Variants in AGBL1 observed in about 807,000 individuals in gnomAD.
AGBL1 encodes the protein AGBL carboxypeptidase 1.
Under a neutral mutation model 118.9 loss-of-function variants are expected in AGBL1, and 130 were observed. The observed-to-expected ratio is 1.09, with a 90% confidence interval of 0.95 to 1.26. The LOEUF is 1.26. Among genes scored for constraint, AGBL1 ranks in the 50% most tolerant of loss-of-function variants. AGBL1 has a pLI of 0.00. For missense variants in AGBL1, 1,584 were observed against 1,298.1 expected (o/e 1.22, Z -3.38); for synonymous variants, 555 against 478.9 (o/e 1.16, Z -2.08).
At chr15:86,558,945 A>G (rs1183374921) in intron 21 of AGBL1, among the ~76,000 whole-genome samples, 5 of 152,232 alleles carry the variant, frequency 3.3e-5, no homozygotes, top group African/African-American at 1.2e-4. Context: ...GATCTGGAAG[A>G]TAAAAGCCTG....
rs1156317128 is a variant in AGBL1 at position 86,227,585 on chromosome 15, T to A, written c.526+2634T>A. Among the ~76,000 whole-genome samples, 2 of 152,090 alleles carry A rather than the reference T, an allele frequency of 1.3e-5. 1 individual carries two copies. The highest frequency in any genetic ancestry group is 4.8e-5 in the African/African-American group (2 of 41,416). On this transcript the variant is annotated intron_variant, in intron 6 of 22. Coordinates refer to ENST00000614907, the MANE Select transcript of AGBL1 (RefSeq NM_001386094.1). ...TCTGCCAAATATCCCCCATGGGGGG[T>A]GGACAGTAAAATTTCCACTTGTTGA...
At chr15:86,742,228 C>A (rs541344843) in intron 22 of AGBL1, among the ~76,000 whole-genome samples, 1 of 152,234 alleles carries the variant, frequency 6.6e-6, no homozygotes, top group Admixed American at 6.6e-5. Context: ...AGAGGATTTC[C>A]TTTTTGTACT....
chr15:86,241,690 T>A (rs2078643532), intron 6 of AGBL1, among the ~76,000 whole-genome samples: 1 of 152,190 alleles, frequency 6.6e-6, no homozygotes, highest in Non-Finnish European at 1.5e-5. Flanking sequence ...AGAAGAGCCT[T>A]CCTGGCCTAA....
chr15:86,854,964 A>G (rs1365950208), intron 22 of AGBL1, among the ~76,000 whole-genome samples: 1 of 151,766 alleles, frequency 6.6e-6, no homozygotes, highest in Non-Finnish European at 1.5e-5. Context: ...GATTTGCTAC[A>G]CCCCCCCACT....
rs2081609324 is a variant in AGBL1, at chr15:87,016,517, G to A, written c.3324-12308G>A. 2.6e-5 allele frequency among the ~76,000 whole-genome samples: 4 copies of A among 152,238 alleles called. No individual in the cohort carries two copies. The South Asian group carries it at 8.3e-4, about 32-fold the overall frequency. Reference sequence around the variant, plus strand: ...TTTATTATCTCATCTATAAACTGAGGACATTATAAAAGAAAGTCTAGGACT... The same window carrying A: ...TTTATTATCTCATCTATAAACTGAGAACATTATAAAAGAAAGTCTAGGACT... On this transcript the variant is annotated intron_variant, in intron 24 of 24. Transcript: ENST00000441037.
chr15:86,304,118 G>A (rs1567188914), intron 17 of AGBL1, among the ~76,000 whole-genome samples: 1 of 151,990 alleles, frequency 6.6e-6, no homozygotes, highest in African/African-American at 2.4e-5. Context: ...TATGTTCTAG[G>A]CTCCTCCAAT....
intron 6 of AGBL1, among the ~76,000 whole-genome samples, chr15:86,244,526 G>T (rs1270820942): frequency 1.2e-5 from 1 of 83,118 alleles, no homozygotes; most frequent in South Asian, 3.6e-4. Flanking sequence ...GTAGGGTCGC[G>T]GGGGAAGGAG....
At chr15:86,542,606 G>A (rs1305444387) in intron 19 of AGBL1, among the ~76,000 whole-genome samples, 4 of 152,040 alleles carry the variant, frequency 2.6e-5, no homozygotes, top group Non-Finnish European at 4.4e-5. Flanking sequence ...GACCTCAGGT[G>A]ATCTACCTGG....
At chr15:86,446,153 T>G (rs1240582339) in intron 18 of AGBL1, among the ~76,000 whole-genome samples, 1 of 152,136 alleles carries the variant, frequency 6.6e-6, no homozygotes, top group African/African-American at 2.4e-5. Context: ...GAGGATGAGC[T>G]AAAGTGAGTC....
chr15:86,267,810 T>C (rs995022479), intron 13 of AGBL1, among the ~76,000 whole-genome samples: 1 of 152,224 alleles, frequency 6.6e-6, no homozygotes. Flanking sequence ...GCAAGATACA[T>C]GATTCATCTT....
At chr15:86,549,712 A>G (rs1022372318) in intron 20 of AGBL1, among the ~76,000 whole-genome samples, 5 of 152,068 alleles carry the variant, frequency 3.3e-5, no homozygotes, top group Non-Finnish European at 7.4e-5. Context: ...AGCAACTGTT[A>G]AAATATGTTC....
Position 86,667,962 on chromosome 15 carries a change from G to C in AGBL1, c.2995-6311G>C, listed in dbSNP as rs561017637. On this transcript the variant is annotated intron_variant, in intron 21 of 22. Coordinates refer to ENST00000614907, the MANE Select transcript of AGBL1 (RefSeq NM_001386094.1). ...GGCCACAGCATCTGCTCAGCTTCTGGTGAGGCCTCAGGGAGCTTTCCCTCA... is the reference window on the plus strand; with the variant it reads ...GGCCACAGCATCTGCTCAGCTTCTGCTGAGGCCTCAGGGAGCTTTCCCTCA... Among the ~76,000 whole-genome samples, 192 of 152,298 alleles carry C rather than the reference G, an allele frequency of 1.3e-3. 1 individual carries two copies. The highest frequency in any genetic ancestry group is 4.5e-3 in the African/African-American group (187 of 41,572).
intron 22 of AGBL1, among the ~76,000 whole-genome samples, chr15:86,785,574 G>C (rs1328894945): frequency 6.6e-6 from 1 of 151,852 alleles, no homozygotes; most frequent in African/African-American, 2.4e-5. Context: ...CACCATATTG[G>C]TCAGGCTGGT....
intron 22 of AGBL1, among the ~76,000 whole-genome samples, chr15:86,852,812 T>A (rs952432727): frequency 2.0e-5 from 3 of 152,206 alleles, no homozygotes; most frequent in African/African-American, 7.2e-5. Context: ...GCATCTTGCC[T>A]ATTGCAAAGG....
intron 22 of AGBL1, among the ~76,000 whole-genome samples, chr15:86,847,764 A>G (rs74027135): frequency 0.039 from 5,993 of 152,202 alleles, 316 homozygotes; most frequent in African/African-American, 0.13. Flanking sequence ...GGAGTCAGAC[A>G]GTGATGTGTG....
intron 21 of AGBL1, chr15:86,630,336 G>A (rs1343738701): frequency 2.0e-5 from 3 of 152,170 alleles, no homozygotes; most frequent in Non-Finnish European, 4.4e-5. Context: ...CTCAGCGTTG[G>A]TCACTTGTGT....
At chr15:86,308,391 G>A (rs2079872044) in intron 17 of AGBL1, among the ~76,000 whole-genome samples, 1 of 152,204 alleles carries the variant, frequency 6.6e-6, no homozygotes, top group South Asian at 2.1e-4. Flanking sequence ...TGAGGACACT[G>A]AGAGAAGATG....
intron 7 of AGBL1, among the ~76,000 whole-genome samples, chr15:86,252,321 G>C (rs1567156600): frequency 6.6e-6 from 1 of 152,172 alleles, no homozygotes. Flanking sequence ...AGGAGGGACT[G>C]AATTCTAAAG....
At chr15:86,962,724 T>C (rs2081005496) in intron 23 of AGBL1, among the ~76,000 whole-genome samples, 1 of 152,092 alleles carries the variant, frequency 6.6e-6, no homozygotes, top group Non-Finnish European at 1.5e-5. Flanking sequence ...TTTAGGACCT[T>C]GCTATTCAAA....
Sources: gnomAD v4.1 joint callset for allele counts (sites outside exome capture counted in the v4.1 genomes callset) on GRCh38, gnomAD v4.1.1 for gene constraint, MANE v1.5 for transcripts, NCBI Gene and HGNC (gene_info 2026-07-23, HGNC 2026-07-21) for gene names.